The following SKI variants were observed in gnomAD, a reference collection of about 807,000 sequenced individuals.
SKI encodes the protein ski oncogene.
A neutral mutation model predicts 59.3 loss-of-function variants in SKI; 23 were observed. That is an observed-to-expected ratio of 0.39 (90% CI 0.28 to 0.55). The LOEUF (loss-of-function observed/expected upper bound fraction) is 0.55. SKI is among the 20% of genes least tolerant of loss of function. The probability of loss-of-function intolerance (pLI) is 0.67; values close to 1 mark genes in which losing one functional copy is unlikely to be tolerated. For missense variants in SKI, 1,017 were observed against 1,038.9 expected, an observed-to-expected ratio of 0.98 and a Z score of 0.29; for synonymous variants, 673 against 488.6, an observed-to-expected ratio of 1.38 and a Z score of -4.98.
At chr1:2,243,608 ACAGCTTGGTCAGAGGG>A (rs1161780150) in intron 1 of SKI, among the ~76,000 whole-genome samples, 1 of 152,092 alleles carries the variant, frequency 6.6e-6, no homozygotes, top group Non-Finnish European at 1.5e-5. Flanking sequence ...TGGGAGTGAA[ACAGCTTGGTCAGAGGG>A]CATGTCGGTC....
At position 2,292,538 on chromosome 1, in the gene SKI, C is replaced by G. The variant is rs1418053953; in HGVS notation, c.970-10440C>G. ...TCCTTCCTAGCTGTGTAGCCCACAC[C>G]CCCTGGGGAGCCGTAGCAGTGTGGG... is the stretch of plus-strand genomic sequence containing the variant. On this transcript the variant is annotated intron_variant, in intron 1 of 6. Coordinates refer to ENST00000378536, the MANE Select transcript of SKI (RefSeq NM_003036.4). Among the ~76,000 whole-genome samples the G allele has an allele frequency of 2.0e-5, 3 of 152,302 alleles. No homozygotes were observed. In the South Asian group the frequency reaches 6.2e-4, roughly 32 times the overall value.
At chr1:2,246,239 A>C (rs1638992100) in intron 1 of SKI, among the ~76,000 whole-genome samples, 1 of 152,102 alleles carries the variant, frequency 6.6e-6, no homozygotes, top group Non-Finnish European at 1.5e-5. Context: ...AATGGGTGTG[A>C]GGTGGCATCT....
At chr1:2,231,714 A>C (rs1239354009) in intron 1 of SKI, among the ~76,000 whole-genome samples, 1 of 152,194 alleles carries the variant, frequency 6.6e-6, no homozygotes, top group Non-Finnish European at 1.5e-5. Flanking sequence ...CCTGAGTGGC[A>C]GCCACACAGC....
At chr1:2,289,846 C>T (rs928345063) in intron 1 of SKI, among the ~76,000 whole-genome samples, 3 of 152,084 alleles carry the variant, frequency 2.0e-5, no homozygotes, top group African/African-American at 7.2e-5. Context: ...TCCCTCTGGG[C>T]AGCACCTGGC....
intron 1 of SKI, among the ~76,000 whole-genome samples, chr1:2,255,828 C>T (rs1449524618): frequency 6.6e-6 from 1 of 151,682 alleles, no homozygotes; most frequent in Non-Finnish European, 1.5e-5. Context: ...TTTGTCCTGA[C>T]CTCATTTCCT....
intron 1 of SKI, among the ~76,000 whole-genome samples, chr1:2,259,963 C>T (rs537973297): frequency 6.6e-6 from 1 of 152,280 alleles, no homozygotes; most frequent in East Asian, 1.9e-4. Flanking sequence ...ACAAAGAAAG[C>T]GGCTGTGAAC....
At chr1:2,290,188 G>GC (rs1020176759) in intron 1 of SKI, among the ~76,000 whole-genome samples, 2 of 152,104 alleles carry the variant, frequency 1.3e-5, no homozygotes, top group African/African-American at 2.4e-5. Flanking sequence ...GCCCTGGGCT[G>GC]CCCCCGGCAG....
Position 2,306,167 on chromosome 1 carries a change from C to A in SKI, c.1915C>A (p.Arg639=). Residue 639 remains arginine, a synonymous_variant, in exon 6 of 7, where the codon CGG becomes AGG. Coordinates refer to ENST00000378536, the MANE Select transcript of SKI (RefSeq NM_003036.4). ...CAACGAGTCACGGCTGCGCCTGAAGCGGGAGCTGGAGCAGGCGCGGCAGGC... is the reference window on the plus strand; with the variant it reads ...CAACGAGTCACGGCTGCGCCTGAAGAGGGAGCTGGAGCAGGCGCGGCAGGC... ...EANESRLRLK[R]ELEQARQARV... is the part of the protein sequence containing the mutation. 1.3e-6 allele frequency: 2 copies of A among 1,592,608 alleles called. No individual in the cohort carries two copies. The highest frequency in any genetic ancestry group is 1.7e-6 in the Non-Finnish European group (2 of 1,170,590).
At chr1:2,241,176 G>A (rs892072367) in intron 1 of SKI, among the ~76,000 whole-genome samples, 1 of 152,178 alleles carries the variant, frequency 6.6e-6, no homozygotes, top group African/African-American at 2.4e-5. Context: ...TTGCCTGTGG[G>A]GACCAGTGGG....
intron 1 of SKI, among the ~76,000 whole-genome samples, chr1:2,255,056 C>T (rs900652547): frequency 1.4e-4 from 21 of 152,008 alleles, no homozygotes; most frequent in Admixed American, 1.2e-3. Flanking sequence ...TCTCAGGTGT[C>T]GGTCACCCTA....
chr1:2,237,021 C>T (rs1267349776), intron 1 of SKI, among the ~76,000 whole-genome samples: 1 of 152,192 alleles, frequency 6.6e-6, no homozygotes, highest in Non-Finnish European at 1.5e-5. Context: ...ATGCCATCAC[C>T]CAAATCAGGG....
intron 1 of SKI, among the ~76,000 whole-genome samples, chr1:2,284,782 A>G (rs1179677125): frequency 6.6e-6 from 1 of 152,118 alleles, no homozygotes; most frequent in Non-Finnish European, 1.5e-5. Flanking sequence ...TGTAAGAATG[A>G]CAGGTGGACA....
chr1:2,288,222 G>C (rs1206510783), intron 1 of SKI, among the ~76,000 whole-genome samples: 1 of 152,052 alleles, frequency 6.6e-6, no homozygotes, highest in African/African-American at 2.4e-5. Context: ...TCTGACCTCA[G>C]GTGATCCACC....
intron 1 of SKI, among the ~76,000 whole-genome samples, chr1:2,301,117 A>G (rs1171071876): frequency 6.6e-6 from 1 of 152,012 alleles, no homozygotes; most frequent in Non-Finnish European, 1.5e-5. Context: ...TTAGACAGGA[A>G]GCTCCACCCA....
intron 1 of SKI, among the ~76,000 whole-genome samples, chr1:2,265,178 T>A (rs1365732846): frequency 6.6e-6 from 1 of 152,190 alleles, no homozygotes. Flanking sequence ...GGTTTCCCCG[T>A]GCCGCATGTG....
chr1:2,229,771 C>A lies in SKI; in HGVS notation c.969+36C>A, dbSNP rs1470942661. ...CCAGGCCTGGGAGCTGGGGAGGATG[C>A]GCTTGGGGTGGGGGCCCCTTCTGGA... On this transcript the variant is annotated intron_variant, in intron 1 of 6. Coordinates refer to ENST00000378536, the MANE Select transcript of SKI (RefSeq NM_003036.4). This position sits in a 1 kb window ranked among gnomAD's most constrained non-coding sequence, Gnocchi z 6.3. 8 of 1,550,024 alleles carry A rather than the reference C, an allele frequency of 5.2e-6. No homozygotes were observed. The highest frequency in any genetic ancestry group is 1.4e-5 in the African/African-American group (1 of 73,064).
At chr1:2,305,929 A>AC in intron 5 of SKI, 91 bp from the exon 6 acceptor site, 4 of 995,694 alleles carry the variant, frequency 4.0e-6, no homozygotes, top group Non-Finnish European at 1.6e-6. Context: ...CAGATAGATG[A>AC]CCCCACGGGG....
intron 1 of SKI, among the ~76,000 whole-genome samples, chr1:2,279,363 G>A (rs945671235): frequency 4.6e-5 from 7 of 152,292 alleles, no homozygotes; most frequent in African/African-American, 1.7e-4. Context: ...TCGGGGCATC[G>A]CTTCATCCCT....
chr1:2,237,969 G>A (rs1237005994), intron 1 of SKI, among the ~76,000 whole-genome samples: 1 of 152,194 alleles, frequency 6.6e-6, no homozygotes, highest in Non-Finnish European at 1.5e-5. Flanking sequence ...GATCACCCTC[G>A]TGTGGCGGGC....
Sources: allele counts gnomAD v4.1 joint callset (sites outside exome capture counted in the v4.1 genomes callset), GRCh38; gene constraint gnomAD v4.1.1; non-coding constraint Gnocchi (gnomAD v3.1); transcripts MANE v1.5; gene names NCBI Gene and HGNC (gene_info 2026-07-23, HGNC 2026-07-21).